Variants in NFIA observed in about 807,000 individuals in gnomAD.
NFIA encodes the protein nuclear factor 1 A-type.
NFIA carries 8 observed loss-of-function variants against 62.8 expected under a neutral mutation model. The observed-to-expected ratio is 0.13, with a 90% CI of 0.07 to 0.23. The LOEUF (loss-of-function observed/expected upper bound fraction) is 0.23, where lower values mean the gene tolerates loss of function less well. NFIA is among the 10% of genes least tolerant of loss of function. The pLI is 1.00. For synonymous variants in NFIA, 235 were observed against 238.1 expected (o/e 0.99, Z 0.12); for missense variants, 410 against 642.1 (o/e 0.64, Z 3.91).
intron 2 of NFIA, among the ~76,000 whole-genome samples, chr1:61,096,829 G>A (rs1646424209): frequency 6.6e-6 from 1 of 151,968 alleles, no homozygotes; most frequent in African/African-American, 2.4e-5. Context: ...GGGATTACAG[G>A]CGTGAGCCAC....
chr1:61,128,991 C>T (rs937228201), intron 2 of NFIA, among the ~76,000 whole-genome samples: 3 of 131,384 alleles, frequency 2.3e-5, no homozygotes, highest in African/African-American at 8.6e-5. Context: ...GACACGATCT[C>T]GGCTCACTGC....
At chr1:61,232,546 A>C (rs974944113) in intron 2 of NFIA, among the ~76,000 whole-genome samples, 2 of 152,178 alleles carry the variant, frequency 1.3e-5, no homozygotes, top group Non-Finnish European at 2.9e-5. Flanking sequence ...CTATGCTACA[A>C]ATTTAAAGAG....
chr1:61,162,595 AG>A (rs1447171342), intron 2 of NFIA, among the ~76,000 whole-genome samples: 7 of 152,154 alleles, frequency 4.6e-5, no homozygotes, highest in Admixed American at 3.3e-4. Flanking sequence ...CCGTATTCTT[AG>A]TTTCTATCAT....
At chr1:61,454,761 T>C (rs565973874) in intron 10 of NFIA, among the ~76,000 whole-genome samples, 1 of 152,332 alleles carries the variant, frequency 6.6e-6, no homozygotes, top group African/African-American at 2.4e-5. Flanking sequence ...TGTGTCGCTA[T>C]TGACCATCTG....
At chr1:61,133,813 C>T (rs1249324778) in intron 2 of NFIA, among the ~76,000 whole-genome samples, 1 of 152,130 alleles carries the variant, frequency 6.6e-6, no homozygotes, top group Non-Finnish European at 1.5e-5. Context: ...CACTGCACTC[C>T]AGCCTGGGCA....
At chr1:61,176,442 T>C (rs900380334) in intron 2 of NFIA, among the ~76,000 whole-genome samples, 5 of 152,194 alleles carry the variant, frequency 3.3e-5, no homozygotes, top group Non-Finnish European at 5.9e-5. Flanking sequence ...AGCAGATGTT[T>C]TACAGGATAG....
intron 3 of NFIA, among the ~76,000 whole-genome samples, chr1:61,324,047 T>C (rs1490897164): frequency 1.3e-5 from 2 of 152,108 alleles, no homozygotes; most frequent in Non-Finnish European, 2.9e-5. Flanking sequence ...AAATGTTCTG[T>C]GTTGGGGTGA....
At chr1:61,244,901 A>G (rs1570442548) in intron 2 of NFIA, among the ~76,000 whole-genome samples, 1 of 152,332 alleles carries the variant, frequency 6.6e-6, no homozygotes. Flanking sequence ...ATTGTCAACC[A>G]TTAAGTAGAC....
At chr1:61,201,579 G>A (rs1336893365) in intron 2 of NFIA, among the ~76,000 whole-genome samples, 1 of 151,888 alleles carries the variant, frequency 6.6e-6, no homozygotes, top group Non-Finnish European at 1.5e-5. Context: ...GCCATCAGGT[G>A]GTAAAAGCCT....
chr1:61,237,467 T>C (rs167987), intron 2 of NFIA, among the ~76,000 whole-genome samples: 11,062 of 152,198 alleles, frequency 0.073, 505 homozygotes, highest in East Asian at 0.16. Flanking sequence ...AGAGAAAATA[T>C]TGTGCTTATG....
chr1:61,438,868 A>T (rs1667450467), intron 10 of NFIA, among the ~76,000 whole-genome samples: 1 of 152,132 alleles, frequency 6.6e-6, no homozygotes, highest in African/African-American at 2.4e-5. Context: ...ATCCTCATTG[A>T]ATTGCAGATT....
intron 10 of NFIA, among the ~76,000 whole-genome samples, chr1:61,434,124 T>TA (rs1667226075): frequency 6.6e-6 from 1 of 152,178 alleles, no homozygotes; most frequent in African/African-American, 2.4e-5. Flanking sequence ...TTACGCTAAA[T>TA]TGTGCCTGAG....
chr1:61,101,103 A>G (rs1211310988), intron 2 of NFIA, among the ~76,000 whole-genome samples: 1 of 152,102 alleles, frequency 6.6e-6, no homozygotes, highest in Middle Eastern at 3.2e-3. Context: ...CTATTATTTA[A>G]TAGTTCACCT....
At chr1:61,185,952 C>G (rs1423021800) in intron 2 of NFIA, among the ~76,000 whole-genome samples, 1 of 152,004 alleles carries the variant, frequency 6.6e-6, no homozygotes, top group Non-Finnish European at 1.5e-5. Context: ...GATGTCAGTC[C>G]CACAAGGATG....
chr1:61,234,885 A>G (rs529943292), intron 2 of NFIA, among the ~76,000 whole-genome samples: 1 of 152,286 alleles, frequency 6.6e-6, no homozygotes, highest in South Asian at 2.1e-4. Flanking sequence ...AAGTGGCTAC[A>G]TCTGCATTGT....
chr1:61,445,467 C>T (rs1031011910), intron 10 of NFIA, among the ~76,000 whole-genome samples: 2 of 151,886 alleles, frequency 1.3e-5, no homozygotes, highest in Non-Finnish European at 2.9e-5. Flanking sequence ...TTTGCTGTTT[C>T]AGCATTAAAA....
intron 2 of NFIA, among the ~76,000 whole-genome samples, chr1:61,186,802 C>G (rs936279093): frequency 2.0e-5 from 3 of 152,174 alleles, no homozygotes; most frequent in African/African-American, 7.2e-5. Context: ...TTACAGCAAC[C>G]TTATGAAACA....
At chr1:61,086,152 T>G (rs1388746889) in intron 1 of NFIA, among the ~76,000 whole-genome samples, 1 of 152,144 alleles carries the variant, frequency 6.6e-6, no homozygotes, top group East Asian at 1.9e-4. Context: ...GCTCACTTGG[T>G]AGTTTAAGGT....
intron 10 of NFIA, among the ~76,000 whole-genome samples, chr1:61,450,424 A>T (rs1668007521): frequency 1.3e-5 from 2 of 152,180 alleles, no homozygotes; most frequent in South Asian, 4.1e-4. Flanking sequence ...GCGGGAAGCC[A>T]AAAATGACCC....
Sources: allele counts gnomAD v4.1 joint callset (sites outside exome capture counted in the v4.1 genomes callset), GRCh38; gene constraint gnomAD v4.1.1; transcripts MANE v1.5; gene names NCBI Gene and HGNC (gene_info 2026-07-23, HGNC 2026-07-21).